The following CCDC80 variants were observed in gnomAD, a reference collection of about 807,000 sequenced individuals.
CCDC80 encodes coiled-coil domain-containing protein 80.
CCDC80 carries 49 observed loss-of-function variants against 78.7 expected under a neutral mutation model. The observed-to-expected ratio is 0.62, with a 90% CI of 0.50 to 0.79. CCDC80 has a LOEUF of 0.79. CCDC80 is among the 30% of genes least tolerant of loss of function. The pLI is 0.00. For synonymous variants in CCDC80, 488 were observed against 447.0 expected, an observed-to-expected ratio of 1.09 and a Z score of -1.16; for missense variants, 1,205 against 1,198.6, an observed-to-expected ratio of 1.01 and a Z score of -0.08.
chr3:112,605,770 T>G lies in CCDC80; in HGVS notation c.2507-7A>C, dbSNP rs1300530539. The G allele has an allele frequency of 6.2e-7, 1 of 1,606,148 alleles. No individual in the cohort carries two copies. Among genetic ancestry groups the G allele is most frequent in the African/African-American group, 1.3e-5 (1 of 74,736 alleles). ...CGCTCAACAACAGAGCTCCCTAGAA[T>G]AACATTGGAATAGTTATTGTTAGTA... On this transcript the variant is annotated splice_polypyrimidine_tract_variant and splice_region_variant and intron_variant, in intron 7 of 7. Transcript: ENST00000206423.
rs1208191526 is a variant in CCDC80 at position 112,639,142 on chromosome 3, T to G, written c.764A>C (p.Glu255Ala). 5 of 1,614,154 alleles carry G rather than the reference T, an allele frequency of 3.1e-6. No homozygotes were observed. The South Asian group carries it at 5.5e-5, about 18-fold the overall frequency. The part of the protein sequence containing the change: ...EERYPYPVRL[E>A]AMYEVIDQGP... ...TTGGTCGATGACCTCGTACATGGCTTCCAGCCTAACGGGATATGGATAGCG... is the reference window on the plus strand; with the variant it reads ...TTGGTCGATGACCTCGTACATGGCTGCCAGCCTAACGGGATATGGATAGCG... The change falls in exon 2 of 8, where the codon GAA becomes GCA. Residue 255 changes from glutamate to alanine, a missense_variant. Glu to Ala is a moderately radical substitution (Grantham distance 107). Transcript: ENST00000206423.
intron 5 of CCDC80, among the ~76,000 whole-genome samples, chr3:112,615,652 A>T (rs1265798513): frequency 6.6e-6 from 1 of 152,202 alleles, no homozygotes; most frequent in Non-Finnish European, 1.5e-5. Flanking sequence ...TCACAGGATG[A>T]AAAAGGAAGT....
chr3:112,638,079 C>T lies in CCDC80; in HGVS notation c.1827G>A (p.Lys609=). The part of the protein sequence containing the change: ...PTNKHFTQSP[K]KSVADLLGSF... ...ACCCCAGCAGGTCGGCCACTGACTT[C>T]TTGGGACTCTGCGTGAAGTGTTTGT... Residue 609 remains lysine (K), a synonymous_variant, in exon 2 of 8, where the codon AAG becomes AAA. Coordinates refer to ENST00000206423, the MANE Select transcript of CCDC80 (RefSeq NM_199511.3). 1 of 1,613,348 alleles carries T rather than the reference C, an allele frequency of 6.2e-7. No homozygotes were observed. The highest frequency in any genetic ancestry group is 8.5e-7 in the Non-Finnish European group (1 of 1,179,836).
chr3:112,628,596 C>T (rs1936027740), intron 3 of CCDC80, among the ~76,000 whole-genome samples: 1 of 152,196 alleles, frequency 6.6e-6, no homozygotes, highest in South Asian at 2.1e-4. Context: ...TGCCCAAGGT[C>T]ACACAACAAG....
At position 112,603,916 on chromosome 3, in the gene CCDC80, T is replaced by G. The variant is rs531811822; in HGVS notation, c.*1501A>C. The stretch of plus-strand genomic sequence containing the variant: ...TGAGTTCGGAAACTGATTCCATCCC[T>G]CATGGATGATTTTAAGAGGCCCAAG... On this transcript the variant is annotated 3_prime_UTR_variant, in exon 8 of 8. Coordinates refer to ENST00000206423, the MANE Select transcript of CCDC80 (RefSeq NM_199511.3). 1.9e-4 allele frequency: 29 copies of G among 152,294 alleles called. No homozygotes were observed. The highest frequency in any genetic ancestry group is 6.7e-4 in the African/African-American group (28 of 41,564). The allele number at this position is 152,294 out of a possible 1,614,324, so 9.4% of individuals were successfully genotyped here. A position where few individuals can be genotyped will look rare whatever the true frequency, so the allele number is the denominator to read the frequency against.
chr3:112,638,559 G>A lies in CCDC80; in HGVS notation c.1347C>T (p.Thr449=). The A allele has an allele frequency of 6.2e-7, 1 of 1,614,090 alleles. No homozygotes were observed. Among genetic ancestry groups the A allele is most frequent in the Middle Eastern group, 1.6e-4 (1 of 6,062 alleles). ...CAGCCCTTGTGCTGGGTTCTGAGAT[G>A]GTGGTGGGAGGGGCATTTGTGAAGC... The part of the protein sequence containing the change: ...LESFTNAPPT[T]ISEPSTRAAG... The change falls in exon 2 of 8, where the codon ACC becomes ACT. Residue 449 remains threonine (T), a synonymous_variant. Transcript: ENST00000206423.
Position 112,616,907 on chromosome 3 carries a change from T to C in CCDC80, c.2173-49A>G, listed in dbSNP as rs745681793. 4.0e-5 allele frequency: 63 copies of C among 1,588,406 alleles called. 1 individual carries two copies. Among genetic ancestry groups the C allele is most frequent in the Non-Finnish European group, 4.4e-5 (51 of 1,164,030 alleles). The stretch of plus-strand genomic sequence containing the variant: ...ATTTAATGTACAAGTGCATTTCTTC[T>C]CTCTATTCAGAGGATAGAGAACCTG... On this transcript the variant is annotated intron_variant, in intron 4 of 7. Transcript: ENST00000206423.
rs77462208 is a variant in CCDC80 at position 112,633,808 on chromosome 3, A to G, written c.1879-3539T>C. On this transcript the variant is annotated intron_variant, in intron 2 of 7. Coordinates refer to ENST00000206423, the MANE Select transcript of CCDC80 (RefSeq NM_199511.3). ...CCCATTCACTTTCTAGTTGGGCTGTATTTCAGACAGTGTTTAAAATGAGAA... is the reference window on the plus strand; with the variant it reads ...CCCATTCACTTTCTAGTTGGGCTGTGTTTCAGACAGTGTTTAAAATGAGAA... 3.9e-5 allele frequency among the ~76,000 whole-genome samples: 6 copies of G among 152,290 alleles called. No individual in the cohort carries two copies. The East Asian group carries it at 1.2e-3, about 29-fold the overall frequency.
At chr3:112,627,915 C>A (rs1308476819) in intron 3 of CCDC80, among the ~76,000 whole-genome samples, 1 of 150,266 alleles carries the variant, frequency 6.7e-6, no homozygotes, top group East Asian at 1.9e-4. Context: ...CATATTCAAT[C>A]CAGATGTCTA....
In CCDC80 at chr3:112,602,971, C is replaced by T. The variant is rs2705515; in HGVS notation, c.*2446G>A. On this transcript the variant is annotated 3_prime_UTR_variant, in exon 8 of 8. Transcript: ENST00000206423. The stretch of plus-strand genomic sequence containing the variant: ...ATCTAGAGAGGAGTAGTCAATGCCT[C>T]ACTTCAAAGCTTCAACCAACAGGCT... The T allele has an allele frequency of 0.16, 24,063 of 152,194 alleles. 4,449 individuals are homozygous for T. The highest frequency in any genetic ancestry group is 0.44 in the African/African-American group (18,416 of 41,450). 9.4% of individuals were successfully genotyped at this position (152,194 alleles called of 1,614,324 possible).
Position 112,610,010 on chromosome 3 carries a change from A to T in CCDC80, c.2393T>A (p.Leu798His), listed in dbSNP as rs1935592128. ...GCACGCCTGACCACTGAGGGCAGAGAGCTGCTGTGAATAGGCCCAGTCTTC... is the reference window on the plus strand; with the variant it reads ...GCACGCCTGACCACTGAGGGCAGAGTGCTGCTGTGAATAGGCCCAGTCTTC... ...NDEDWAYSQQ[L>H]SALSGQACNF... Residue 798 changes from leucine (L) to histidine (H), a missense_variant, in exon 6 of 8, where the codon CTC becomes CAC. Transcript: ENST00000206423. 6.2e-7 allele frequency: 1 copy of T among 1,614,050 alleles called. No homozygotes were observed. Among genetic ancestry groups the T allele is most frequent in the Non-Finnish European group, 8.5e-7 (1 of 1,179,972 alleles).
intron 5 of CCDC80, among the ~76,000 whole-genome samples, chr3:112,613,889 T>C (rs923302947): frequency 6.6e-6 from 1 of 151,598 alleles, no homozygotes; most frequent in Non-Finnish European, 1.5e-5. Context: ...TCTGGTTATA[T>C]ATGTATATGT....
At position 112,638,412 on chromosome 3, in the gene CCDC80, C is replaced by G. The variant is rs1227503810; in HGVS notation, c.1494G>C (p.Gln498His). 3 of 1,613,954 alleles carry G rather than the reference C, an allele frequency of 1.9e-6. No homozygotes were observed. Among genetic ancestry groups the G allele is most frequent in the Non-Finnish European group, 2.5e-6 (3 of 1,180,008 alleles). ...AKEKPPKKKA[Q>H]DKILSNEYEE... Reference sequence around the variant, plus strand: ...CATACTCATTACTAAGAATTTTGTCCTGGGCCTTCTTTTTGGGAGGTTTCT... The same window carrying G: ...CATACTCATTACTAAGAATTTTGTCGTGGGCCTTCTTTTTGGGAGGTTTCT... Residue 498 changes from glutamine (Q) to histidine (H), a missense_variant, in exon 2 of 8, where the codon CAG becomes CAC. Coordinates refer to ENST00000206423, the MANE Select transcript of CCDC80 (RefSeq NM_199511.3).
chr3:112,601,172 A>G lies in CCDC80; in HGVS notation c.*4245T>C, dbSNP rs1935366868. The G allele has an allele frequency of 6.6e-6, 1 of 152,254 alleles. No homozygotes were observed. The highest frequency in any genetic ancestry group is 1.5e-5 in the Non-Finnish European group (1 of 68,048). The allele number at this position is 152,254 out of a possible 1,614,324, so 9.4% of individuals were successfully genotyped here. A position where few individuals can be genotyped will look rare whatever the true frequency, so the allele number is the denominator to read the frequency against. On this transcript the variant is annotated 3_prime_UTR_variant, in exon 8 of 8. Transcript: ENST00000206423. ...GTCTTTATGGAAAATGAATGGCAGA[A>G]TAAGTGATTTGTCAAGTTCATTGAA...
intron 2 of CCDC80, 100 bp downstream of exon 2, chr3:112,637,928 G>C: frequency 6.6e-7 from 1 of 1,512,482 alleles, no homozygotes; most frequent in Non-Finnish European, 8.8e-7. Context: ...TTCAGTCACA[G>C]TCTGGCATCT....
At chr3:112,639,998 A>G (rs923212938) in intron 1 of CCDC80, 82 bp from the exon 2 acceptor site, 131 of 1,474,862 alleles carry the variant, frequency 8.9e-5, no homozygotes, top group Non-Finnish European at 1.0e-4. Flanking sequence ...AGAGCTGGTC[A>G]TTTTCTTTTT....
chr3:112,615,088 G>A (rs1935706942), intron 5 of CCDC80, among the ~76,000 whole-genome samples: 1 of 152,208 alleles, frequency 6.6e-6, no homozygotes, highest in African/African-American at 2.4e-5. Flanking sequence ...TTATGGGTGA[G>A]AGATTTTTGA....
intron 2 of CCDC80, among the ~76,000 whole-genome samples, chr3:112,636,989 AGAG>A (rs967580609): frequency 2.6e-5 from 4 of 152,216 alleles, no homozygotes; most frequent in Non-Finnish European, 4.4e-5. Flanking sequence ...GAAGACAAGA[AGAG>A]GAGAAGGAGC....
intron 6 of CCDC80, among the ~76,000 whole-genome samples, chr3:112,609,085 C>CCCCCTG (rs1421080100): frequency 4.7e-4 from 71 of 151,840 alleles, no homozygotes; most frequent in African/African-American, 1.5e-3. Flanking sequence ...TTAGCTACTT[C>CCCCCTG]CCCCTGCCCC....
Sources: allele counts gnomAD v4.1 joint callset (sites outside exome capture counted in the v4.1 genomes callset), GRCh38; gene constraint gnomAD v4.1.1; transcripts MANE v1.5; gene names NCBI Gene and HGNC (gene_info 2026-07-23, HGNC 2026-07-21).